The following SLC39A11 variants were observed in gnomAD, a reference collection of about 807,000 sequenced individuals.
SLC39A11 encodes the protein zinc transporter ZIP11.
Under a neutral mutation model 36.1 loss-of-function variants are expected in SLC39A11, and 33 were observed. The ratio of observed to expected loss-of-function variants is 0.91; its 90% CI spans 0.69 to 1.22. The LOEUF (loss-of-function observed/expected upper bound fraction) is 1.22, where lower values mean the gene tolerates loss of function less well. Ranked by LOEUF, SLC39A11 falls within the 50% of genes most tolerant of loss-of-function variation. SLC39A11 has a pLI of 0.00. For missense variants in SLC39A11, 432 were observed against 430.3 expected, an observed-to-expected ratio of 1.00 and a Z score of -0.03; for synonymous variants, 166 against 170.3, an observed-to-expected ratio of 0.97 and a Z score of 0.20.
At chr17:72,775,184 T>G (rs1461101511) in intron 6 of SLC39A11, among the ~76,000 whole-genome samples, 1 of 152,110 alleles carries the variant, frequency 6.6e-6, no homozygotes, top group African/African-American at 2.4e-5. Flanking sequence ...TATCACCTTC[T>G]TCTCTATAAC....
chr17:72,872,397 G>A (rs549470646), intron 5 of SLC39A11, among the ~76,000 whole-genome samples: 4 of 152,074 alleles, frequency 2.6e-5, no homozygotes, highest in East Asian at 1.9e-4. Flanking sequence ...TCTCAGATTC[G>A]ACAGACGGGT....
chr17:72,679,777 C>T (rs1324034128), intron 7 of SLC39A11, among the ~76,000 whole-genome samples: 1 of 152,132 alleles, frequency 6.6e-6, no homozygotes, highest in Non-Finnish European at 1.5e-5. Flanking sequence ...GGCACGGTGG[C>T]TCACGCCTGT....
intron 5 of SLC39A11, among the ~76,000 whole-genome samples, chr17:72,853,804 C>T (rs371604846): frequency 2.6e-5 from 4 of 151,966 alleles, no homozygotes; most frequent in Admixed American, 2.0e-4. Context: ...ATCTTCTTGC[C>T]GCTCCTGGTA....
chr17:72,997,179 TA>T (rs1221119601), intron 4 of SLC39A11, among the ~76,000 whole-genome samples: 5 of 152,032 alleles, frequency 3.3e-5, no homozygotes, highest in Admixed American at 2.6e-4. Context: ...CAGCAATAGT[TA>T]ACGAATGCAT....
At chr17:72,820,957 A>T (rs1002312127) in intron 6 of SLC39A11, among the ~76,000 whole-genome samples, 8 of 142,026 alleles carry the variant, frequency 5.6e-5, no homozygotes, top group Admixed American at 2.9e-4. Context: ...CCGTATTATA[A>T]GGTTTTTTGT....
At chr17:72,940,492 T>G (rs1343097129) in intron 5 of SLC39A11, among the ~76,000 whole-genome samples, 1 of 152,184 alleles carries the variant, frequency 6.6e-6, no homozygotes, top group Non-Finnish European at 1.5e-5. Flanking sequence ...ACCAGGCTGG[T>G]CTCGAACTCC....
chr17:72,902,382 A>G (rs577194555), intron 5 of SLC39A11, among the ~76,000 whole-genome samples: 1 of 152,300 alleles, frequency 6.6e-6, no homozygotes, highest in African/African-American at 2.4e-5. Flanking sequence ...AGGAATGCTA[A>G]AAATAGCTGG....
intron 4 of SLC39A11, among the ~76,000 whole-genome samples, chr17:72,985,185 G>A (rs2088626199): frequency 6.6e-6 from 1 of 152,198 alleles, no homozygotes; most frequent in South Asian, 2.1e-4. Flanking sequence ...TGCTTAAGTG[G>A]CCTGGGAGGG....
chr17:72,671,923 A>G (rs2071039355), intron 7 of SLC39A11, among the ~76,000 whole-genome samples: 1 of 152,172 alleles, frequency 6.6e-6, no homozygotes, highest in South Asian at 2.1e-4. Flanking sequence ...CAGTAATAAG[A>G]TGAATCAGCT....
chr17:72,653,468 G>A (rs1190901672), intron 7 of SLC39A11, among the ~76,000 whole-genome samples: 6 of 140,836 alleles, frequency 4.3e-5, no homozygotes, highest in African/African-American at 1.1e-4. Context: ...AAGGAGTCTC[G>A]CTCTGTCACC....
intron 2 of SLC39A11, among the ~76,000 whole-genome samples, chr17:73,086,491 G>A (rs1413107046): frequency 6.6e-6 from 1 of 152,194 alleles, no homozygotes; most frequent in Non-Finnish European, 1.5e-5. Flanking sequence ...TGAAGTGAAA[G>A]AAGCCATGTG....
chr17:73,027,304 G>A (rs755759005), intron 4 of SLC39A11, among the ~76,000 whole-genome samples: 4 of 152,192 alleles, frequency 2.6e-5, no homozygotes, highest in African/African-American at 7.2e-5. Context: ...GGCCTCGAAA[G>A]CATTTCCCAT....
At chr17:73,034,435 T>G (rs941426801) in intron 3 of SLC39A11, among the ~76,000 whole-genome samples, 11 of 152,256 alleles carry the variant, frequency 7.2e-5, no homozygotes, top group African/African-American at 2.7e-4. Context: ...TTGGCCAGGC[T>G]GGTCTCGAAC....
chr17:73,078,952 C>CAT (rs2060422481), intron 3 of SLC39A11, among the ~76,000 whole-genome samples: 1 of 151,976 alleles, frequency 6.6e-6, no homozygotes, highest in African/African-American at 2.4e-5. Context: ...CACACACACA[C>CAT]ACACAAATGC....
chr17:73,087,731 T>G lies in SLC39A11; in HGVS notation c.108+926A>C, dbSNP rs369756711. On this transcript the variant is annotated intron_variant, in intron 2 of 9. Transcript: ENST00000255559. ...GAGGGAGAGATAGGCTGTGGGGCCA[T>G]GACAGTGAGTGAGGGCACTGGGAGT... 6.6e-5 allele frequency among the ~76,000 whole-genome samples: 10 copies of G among 151,916 alleles called. No homozygotes were observed. In the East Asian group the frequency reaches 7.7e-4, roughly 12 times the overall value.
At chr17:73,019,835 A>G (rs1469665875) in intron 4 of SLC39A11, among the ~76,000 whole-genome samples, 1 of 152,196 alleles carries the variant, frequency 6.6e-6, no homozygotes, top group Non-Finnish European at 1.5e-5. Flanking sequence ...AGATCCTTGG[A>G]CTAGATGAAA....
chr17:72,801,524 G>A (rs2077084500), intron 6 of SLC39A11, among the ~76,000 whole-genome samples: 1 of 152,206 alleles, frequency 6.6e-6, no homozygotes, highest in African/African-American at 2.4e-5. Flanking sequence ...ACTGCGCCCA[G>A]CCGGGCAATG....
At chr17:72,767,880 C>A (rs1361694896) in intron 6 of SLC39A11, among the ~76,000 whole-genome samples, 1 of 152,078 alleles carries the variant, frequency 6.6e-6, no homozygotes. Context: ...GTTTAATAGA[C>A]ACGAGGCTGG....
intron 7 of SLC39A11, among the ~76,000 whole-genome samples, chr17:72,654,742 GCT>G (rs969096043): frequency 4.2e-4 from 64 of 152,320 alleles, no homozygotes; most frequent in African/African-American, 1.5e-3. Context: ...TTGGTGGCTG[GCT>G]CTCAGTCCGC....
Sources: gnomAD v4.1 joint callset for allele counts (sites outside exome capture counted in the v4.1 genomes callset) on GRCh38, gnomAD v4.1.1 for gene constraint, MANE v1.5 for transcripts, NCBI Gene and HGNC (gene_info 2026-07-23, HGNC 2026-07-21) for gene names.